Variants in DLC1 observed in about 807,000 individuals in gnomAD.
DLC1 encodes the protein DLC1 Rho GTPase activating protein, also known as rho GTPase-activating protein 7.
DLC1 carries 54 observed loss-of-function variants against 140.3 expected under a neutral mutation model. The observed-to-expected ratio is 0.38, with a 90% CI of 0.31 to 0.48. The LOEUF is 0.48. Ranked by LOEUF, DLC1 falls within the 20% of genes least tolerant of loss-of-function variation. The probability of loss-of-function intolerance (pLI) is 0.96; values close to 1 mark genes in which losing one functional copy is unlikely to be tolerated. For synonymous variants in DLC1, 986 were observed against 728.1 expected (o/e 1.35, Z -5.70); for missense variants, 2,536 against 1,907.0 (o/e 1.33, Z -6.14).
chr8:13,405,353 T>C (rs1837478819), intron 2 of DLC1, among the ~76,000 whole-genome samples: 1 of 152,106 alleles, frequency 6.6e-6, no homozygotes. Context: ...TGTCTTTGAG[T>C]GCCCAACAAT....
chr8:13,537,178 G>A (rs1454547412), intron 1 of DLC1, among the ~76,000 whole-genome samples: 1 of 151,584 alleles, frequency 6.6e-6, no homozygotes, highest in Non-Finnish European at 1.5e-5. Context: ...TGCTAGAAAA[G>A]GTTTTACTTG....
chr8:13,427,585 G>A lies in DLC1; in HGVS notation c.1024-25966C>T, dbSNP rs570623514. Reference sequence around the variant, plus strand: ...CAGTCACCTCTTCCTCCTCTACCTCGAAATATTTGATTCATTCTCCATGGG... The same window carrying A: ...CAGTCACCTCTTCCTCCTCTACCTCAAAATATTTGATTCATTCTCCATGGG... On this transcript the variant is annotated intron_variant, in intron 2 of 17. Coordinates refer to ENST00000276297, the MANE Select transcript of DLC1 (RefSeq NM_182643.3). 3.9e-5 allele frequency among the ~76,000 whole-genome samples: 6 copies of A among 152,128 alleles called. No homozygotes were observed. The South Asian group carries it at 6.2e-4, about 16-fold the overall frequency.
chr8:13,346,443 C>G (rs1043284537), intron 4 of DLC1, among the ~76,000 whole-genome samples: 3 of 152,216 alleles, frequency 2.0e-5, no homozygotes, highest in Non-Finnish European at 4.4e-5. Context: ...ACTTTCAAAT[C>G]TGCTCTTTGG....
chr8:13,554,661 G>A (rs970051047), intron 1 of DLC1, among the ~76,000 whole-genome samples: 1 of 151,972 alleles, frequency 6.6e-6, no homozygotes, highest in South Asian at 2.1e-4. Flanking sequence ...ACTTCAAAAT[G>A]TCTCTGAAAT....
chr8:13,495,626 A>G (rs7010598), intron 2 of DLC1, among the ~76,000 whole-genome samples: 343 of 152,338 alleles, frequency 2.3e-3, no homozygotes, highest in African/African-American at 7.9e-3. Flanking sequence ...ATAAAGGTAT[A>G]TACTTGTACA....
chr8:13,504,873 A>G (rs553497162), intron 1 of DLC1, among the ~76,000 whole-genome samples: 1 of 152,340 alleles, frequency 6.6e-6, no homozygotes, highest in East Asian at 1.9e-4. Context: ...GAAGCCAAGA[A>G]TTCAGCACAA....
intron 1 of DLC1, among the ~76,000 whole-genome samples, chr8:13,557,311 G>A (rs1033049365): frequency 6.6e-6 from 1 of 152,154 alleles, no homozygotes; most frequent in South Asian, 2.1e-4. Context: ...CATGGAACAC[G>A]TGAGGGCCAG....
At chr8:13,243,962 C>G (rs1829649478) in intron 5 of DLC1, among the ~76,000 whole-genome samples, 1 of 152,152 alleles carries the variant, frequency 6.6e-6, no homozygotes, top group Admixed American at 6.5e-5. Context: ...ACCTCATACT[C>G]ACTCTTTTCC....
chr8:13,190,240 A>T (rs1463078235), intron 5 of DLC1, among the ~76,000 whole-genome samples: 1 of 152,132 alleles, frequency 6.6e-6, no homozygotes, highest in African/African-American at 2.4e-5. Flanking sequence ...CCACATTTCC[A>T]GTGCTTGGTG....
At chr8:13,166,549 C>T (rs941472986) in intron 5 of DLC1, among the ~76,000 whole-genome samples, 5 of 152,238 alleles carry the variant, frequency 3.3e-5, no homozygotes, top group African/African-American at 1.2e-4. Flanking sequence ...CCATGTTGGC[C>T]AGGCTGGCCT....
At chr8:13,579,747 C>T (rs552991771) in intron 1 of DLC1, among the ~76,000 whole-genome samples, 106 of 150,564 alleles carry the variant, frequency 7.0e-4, no homozygotes, top group Non-Finnish European at 1.4e-3. Flanking sequence ...GCTTAGGTAG[C>T]AGCAGCAGCA....
At chr8:13,213,471 A>G (rs895262875) in intron 5 of DLC1, among the ~76,000 whole-genome samples, 1 of 152,236 alleles carries the variant, frequency 6.6e-6, no homozygotes, top group African/African-American at 2.4e-5. Context: ...TCTTGAAAAG[A>G]TGTTAGAAAA....
intron 5 of DLC1, among the ~76,000 whole-genome samples, chr8:13,130,501 C>T (rs1359526201): frequency 3.9e-5 from 6 of 152,126 alleles, no homozygotes; most frequent in Admixed American, 3.9e-4. Context: ...TACAGAACAA[C>T]AAAAAAACAT....
intron 5 of DLC1, among the ~76,000 whole-genome samples, chr8:13,259,068 C>T (rs1256331609): frequency 5.9e-5 from 8 of 135,858 alleles, no homozygotes; most frequent in South Asian, 2.4e-4. Context: ...ACCCGGGAGG[C>T]GGAGGTTGCA....
At chr8:13,397,021 A>G (rs144772366) in intron 3 of DLC1, among the ~76,000 whole-genome samples, 3 of 150,866 alleles carry the variant, frequency 2.0e-5, no homozygotes, top group East Asian at 3.9e-4. Context: ...GTGTTACCCT[A>G]TGCCTCCAGT....
At chr8:13,457,694 A>T (rs866948708) in intron 2 of DLC1, among the ~76,000 whole-genome samples, 2 of 151,038 alleles carry the variant, frequency 1.3e-5, no homozygotes, top group African/African-American at 4.9e-5. Flanking sequence ...AAAAAAAAAA[A>T]AAAAAAAGAA....
rs150035469 is a variant in DLC1, at chr8:13,502,778, C to G, written c.-125-2582G>C. On this transcript the variant is annotated intron_variant, in intron 1 of 17. Coordinates refer to ENST00000276297, the MANE Select transcript of DLC1 (RefSeq NM_182643.3). ...ATTTCTATTACATTTCTTTTGTAAT[C>G]CTATTCATGCAGTTTCATTCAGAAT... Among the ~76,000 whole-genome samples, 832 of 152,254 alleles carry G rather than the reference C, an allele frequency of 5.5e-3. 10 individuals carry two copies. The highest frequency in any genetic ancestry group is 0.019 in the African/African-American group (784 of 41,512).
At chr8:13,316,643 G>A (rs1563248244) in intron 4 of DLC1, among the ~76,000 whole-genome samples, 3 of 152,020 alleles carry the variant, frequency 2.0e-5, no homozygotes, top group Admixed American at 2.0e-4. Flanking sequence ...GATCCCACTC[G>A]GCACGATTGC....
intron 5 of DLC1, among the ~76,000 whole-genome samples, chr8:13,143,020 G>T (rs1473309901): frequency 1.4e-5 from 2 of 144,268 alleles, no homozygotes; most frequent in African/African-American, 2.6e-5. Context: ...TCCAGCCTGG[G>T]CAACAAAAGT....
Sources: gnomAD v4.1 joint callset for allele counts (sites outside exome capture counted in the v4.1 genomes callset) on GRCh38, gnomAD v4.1.1 for gene constraint, MANE v1.5 for transcripts, NCBI Gene and HGNC (gene_info 2026-07-23, HGNC 2026-07-21) for gene names.